Variants in MGAT4C observed in about 807,000 individuals in gnomAD.
MGAT4C encodes alpha-1,3-mannosyl-glycoprotein 4-beta-N-acetylglucosaminyltransferase C.
MGAT4C carries 19 observed loss-of-function variants against 40.1 expected under a neutral mutation model. The observed-to-expected ratio is 0.47, with a 90% CI of 0.33 to 0.70. The LOEUF (loss-of-function observed/expected upper bound fraction) is 0.70. Among genes scored for constraint, MGAT4C ranks in the 30% least tolerant of loss-of-function variants. The probability of loss-of-function intolerance (pLI) is 0.02; values close to 1 mark genes in which losing one functional copy is unlikely to be tolerated. For synonymous variants in MGAT4C, 181 were observed against 187.1 expected, an observed-to-expected ratio of 0.97 and a Z score of 0.27; for missense variants, 491 against 563.2, an observed-to-expected ratio of 0.87 and a Z score of 1.30.
chr12:86,324,426 T>C (rs1566289003), intron 4 of MGAT4C, among the ~76,000 whole-genome samples: 1 of 151,912 alleles, frequency 6.6e-6, no homozygotes, highest in Admixed American at 6.6e-5. Context: ...AAATATATTC[T>C]ACATTAATTT....
At chr12:86,238,175 G>A (rs1294525852) in intron 1 of MGAT4C, among the ~76,000 whole-genome samples, 1 of 151,888 alleles carries the variant, frequency 6.6e-6, no homozygotes, top group East Asian at 1.9e-4. Context: ...CTATTAAGGG[G>A]TATGTAAATC....
At chr12:86,377,237 T>G (rs1955846461) in intron 3 of MGAT4C, among the ~76,000 whole-genome samples, 1 of 151,450 alleles carries the variant, frequency 6.6e-6, no homozygotes, top group African/African-American at 2.5e-5. Flanking sequence ...TTTTGTATTT[T>G]TAGTAGAGAT....
intron 2 of MGAT4C, among the ~76,000 whole-genome samples, chr12:86,647,077 T>C (rs976736040): frequency 6.6e-5 from 10 of 151,806 alleles, no homozygotes; most frequent in Admixed American, 2.0e-4. Flanking sequence ...ATGAGAGACA[T>C]GGAAACATCG....
intron 2 of MGAT4C, among the ~76,000 whole-genome samples, chr12:86,556,479 A>G (rs1307134278): frequency 6.6e-6 from 1 of 152,088 alleles, no homozygotes; most frequent in African/African-American, 2.4e-5. Context: ...ACAGCATCCT[A>G]AAGACTGGAA....
At chr12:86,319,370 ATC>A (rs1353917681) in intron 4 of MGAT4C, among the ~76,000 whole-genome samples, 1 of 152,110 alleles carries the variant, frequency 6.6e-6, no homozygotes, top group Non-Finnish European at 1.5e-5. Context: ...TGCATAAGAA[ATC>A]TCTCTCATGT....
intron 3 of MGAT4C, among the ~76,000 whole-genome samples, chr12:86,429,640 A>T (rs1442203788): frequency 6.6e-6 from 1 of 151,882 alleles, no homozygotes; most frequent in Non-Finnish European, 1.5e-5. Flanking sequence ...GTTGAGAAAT[A>T]CTCTGATAGT....
At chr12:86,508,455 T>C (rs1958511611) in intron 2 of MGAT4C, among the ~76,000 whole-genome samples, 1 of 152,178 alleles carries the variant, frequency 6.6e-6, no homozygotes, top group Non-Finnish European at 1.5e-5. Flanking sequence ...ATCCAGTCTA[T>C]CATTGTTGGA....
intron 1 of MGAT4C, among the ~76,000 whole-genome samples, chr12:86,112,351 G>A (rs183967822): frequency 1.2e-4 from 18 of 151,132 alleles, no homozygotes; most frequent in Non-Finnish European, 2.1e-4. Context: ...TAAATGCAAT[G>A]AGACGTACTT....
intron 3 of MGAT4C, among the ~76,000 whole-genome samples, chr12:86,394,991 AG>A: frequency 6.6e-6 from 1 of 152,186 alleles, no homozygotes; most frequent in Non-Finnish European, 1.5e-5. Flanking sequence ...TACATTTATG[AG>A]TCCCCTTTCT....
intron 1 of MGAT4C, among the ~76,000 whole-genome samples, chr12:86,137,807 G>C (rs181847142): frequency 1.2e-4 from 19 of 152,260 alleles, no homozygotes; most frequent in African/African-American, 4.6e-4. Flanking sequence ...AGACAACTGT[G>C]ACCCTTTTGC....
At chr12:86,125,837 T>A (rs1311502716) in intron 1 of MGAT4C, among the ~76,000 whole-genome samples, 1 of 151,970 alleles carries the variant, frequency 6.6e-6, no homozygotes, top group African/African-American at 2.4e-5. Context: ...AAGGAAGCAA[T>A]GAGTGACAGC....
At chr12:86,125,642 AATT>A (rs1880110935) in intron 1 of MGAT4C, among the ~76,000 whole-genome samples, 1 of 152,202 alleles carries the variant, frequency 6.6e-6, no homozygotes, top group Non-Finnish European at 1.5e-5. Context: ...AATGAAATAG[AATT>A]ATTACAATAA....
intron 1 of MGAT4C, among the ~76,000 whole-genome samples, chr12:86,779,727 C>T (rs1397886493): frequency 6.6e-6 from 1 of 151,930 alleles, no homozygotes; most frequent in Non-Finnish European, 1.5e-5. Context: ...TCCTGGCTAA[C>T]GCGGTGAAAC....
intron 2 of MGAT4C, among the ~76,000 whole-genome samples, chr12:86,037,002 C>T (rs1891302973): frequency 6.7e-6 from 1 of 150,024 alleles, no homozygotes. Context: ...TCAACTTCTT[C>T]CTGGTTTAGT....
At chr12:86,797,271 A>T (rs1952141010) in intron 1 of MGAT4C, among the ~76,000 whole-genome samples, 1 of 151,914 alleles carries the variant, frequency 6.6e-6, no homozygotes, top group African/African-American at 2.4e-5. Flanking sequence ...AAAAATAAAT[A>T]ACAATAAAAG....
At chr12:86,031,080 T>C (rs1437347555) in intron 2 of MGAT4C, among the ~76,000 whole-genome samples, 1 of 151,824 alleles carries the variant, frequency 6.6e-6, no homozygotes, top group Non-Finnish European at 1.5e-5. Context: ...GAATCTATCA[T>C]AGTCAGTGGT....
rs572597985 is a variant in MGAT4C, at chr12:86,623,751, A to G, written c.-229+103458T>C. Reference sequence around the variant, plus strand: ...CTATTTCAGAACTCTAAAAGTTAACACCAGTCTGAGAACAATGTATGAAAC... The same window carrying G: ...CTATTTCAGAACTCTAAAAGTTAACGCCAGTCTGAGAACAATGTATGAAAC... On this transcript the variant is annotated intron_variant, in intron 2 of 7. Coordinates refer to the MGAT4C transcript ENST00000548651. Among the ~76,000 whole-genome samples, 38 of 152,340 alleles carry G rather than the reference A, an allele frequency of 2.5e-4. 1 individual carries two copies. In the South Asian group the frequency reaches 2.9e-3, roughly 12 times the overall value.
At chr12:86,412,578 T>G (rs905266591) in intron 3 of MGAT4C, among the ~76,000 whole-genome samples, 2 of 152,218 alleles carry the variant, frequency 1.3e-5, no homozygotes, top group Non-Finnish European at 2.9e-5. Context: ...TGTACCCACA[T>G]TGTATCTTGG....
chr12:85,983,491 T>G, intron 4 of MGAT4C, 32 bp downstream of exon 4: 1 of 1,478,904 alleles, frequency 6.8e-7, no homozygotes, highest in Non-Finnish European at 9.0e-7. Flanking sequence ...ATATTTTATG[T>G]ATTCTTTATT....
Sources: gnomAD v4.1 joint callset for allele counts (sites outside exome capture counted in the v4.1 genomes callset) on GRCh38, gnomAD v4.1.1 for gene constraint, MANE v1.5 for transcripts, NCBI Gene and HGNC (gene_info 2026-07-23, HGNC 2026-07-21) for gene names.